EXOC6B: variants seen among roughly 807,000 people sequenced by gnomAD.
EXOC6B encodes exocyst complex component 6B, also known as SEC15 homolog B.
EXOC6B carries 54 observed loss-of-function variants against 113.5 expected under a neutral mutation model. The ratio of observed to expected loss-of-function variants is 0.48; its 90% confidence interval spans 0.38 to 0.60. The LOEUF is 0.60. Ranked by LOEUF, EXOC6B falls within the 20% of genes least tolerant of loss-of-function variation. The probability of loss-of-function intolerance (pLI) is 0.00; values close to 1 mark genes in which losing one functional copy is unlikely to be tolerated. For synonymous variants in EXOC6B, 357 were observed against 339.0 expected (o/e 1.05, Z -0.58); for missense variants, 797 against 977.5 (o/e 0.82, Z 2.46).
intron 6 of EXOC6B, 109 bp downstream of exon 6, chr2:72,717,994 G>T: frequency 2.6e-6 from 2 of 769,126 alleles, no homozygotes; most frequent in South Asian, 2.5e-5. Context: ...TCCCTAAAAT[G>T]ATAAGAAACT....
At chr2:72,548,777 A>G (rs1703043859) in intron 8 of EXOC6B, among the ~76,000 whole-genome samples, 1 of 152,190 alleles carries the variant, frequency 6.6e-6, no homozygotes, top group Admixed American at 6.5e-5. Context: ...ATTGAGGAAA[A>G]ACAACATATT....
At chr2:72,335,548 GCACACACACACACACACACACACA>G (rs70963124) in intron 19 of EXOC6B, among the ~76,000 whole-genome samples, 11 of 135,000 alleles carry the variant, frequency 8.1e-5, no homozygotes, top group Admixed American at 5.9e-4. Flanking sequence ...CTGCATTATT[GCACACACACACACACACACACACA>G]CACACACACA....
chr2:72,647,939 T>C (rs957949329), intron 6 of EXOC6B, among the ~76,000 whole-genome samples: 1 of 152,088 alleles, frequency 6.6e-6, no homozygotes, highest in African/African-American at 2.4e-5. Flanking sequence ...TGGGATCTAA[T>C]TAAACTAAAG....
intron 20 of EXOC6B, among the ~76,000 whole-genome samples, chr2:72,330,085 C>A (rs1688342904): frequency 6.6e-6 from 1 of 151,982 alleles, no homozygotes; most frequent in Non-Finnish European, 1.5e-5. Flanking sequence ...GTTCATTCAG[C>A]TTTATAAAAA....
intron 20 of EXOC6B, among the ~76,000 whole-genome samples, chr2:72,276,411 T>TGGAGAAAACC (rs1461851089): frequency 2.0e-5 from 3 of 152,168 alleles, no homozygotes; most frequent in Non-Finnish European, 4.4e-5. Flanking sequence ...AGACAAGGGC[T>TGGAGAAAACC]CTTTCTCTTA....
chr2:72,470,584 A>T (rs545547192), intron 17 of EXOC6B, among the ~76,000 whole-genome samples: 161 of 152,026 alleles, frequency 1.1e-3, no homozygotes, highest in African/African-American at 3.6e-3. Context: ...GTCATTTAGC[A>T]TTAGGTATAT....
At chr2:72,818,311 A>ATTTTTTTTTTT (rs1183950982) in intron 1 of EXOC6B, among the ~76,000 whole-genome samples, 41 of 117,794 alleles carry the variant, frequency 3.5e-4, no homozygotes, top group South Asian at 5.5e-4. Context: ...GGCCCAGCTA[A>ATTTTTTTTTTT]TTTTTTTTTT....
intron 6 of EXOC6B, among the ~76,000 whole-genome samples, chr2:72,605,321 T>A (rs983249628): frequency 1.3e-5 from 2 of 150,476 alleles, no homozygotes; most frequent in Non-Finnish European, 3.0e-5. Context: ...AAAAAGAATC[T>A]CCAACTTACA....
At chr2:72,366,273 A>G (rs1690622440) in intron 19 of EXOC6B, among the ~76,000 whole-genome samples, 1 of 149,848 alleles carries the variant, frequency 6.7e-6, no homozygotes, top group African/African-American at 2.5e-5. Context: ...TGGAGTTCAT[A>G]TAAAAGTAAA....
chr2:72,824,486 C>T (rs2105192010), intron 1 of EXOC6B, among the ~76,000 whole-genome samples: 1 of 152,164 alleles, frequency 6.6e-6, no homozygotes, highest in East Asian at 1.9e-4. Context: ...TAGTTATGAC[C>T]AGGGGTGGTA....
intron 20 of EXOC6B, among the ~76,000 whole-genome samples, chr2:72,213,923 T>C (rs984293380): frequency 6.6e-6 from 1 of 152,096 alleles, no homozygotes; most frequent in Non-Finnish European, 1.5e-5. Context: ...GCTACCCAGT[T>C]TATGATATTT....
At chr2:72,556,750 T>TAA (rs5832086) in intron 8 of EXOC6B, among the ~76,000 whole-genome samples, 29 of 150,792 alleles carry the variant, frequency 1.9e-4, no homozygotes, top group East Asian at 1.6e-3. Flanking sequence ...AGAGGTATTT[T>TAA]AAAAAAAAAC....
At chr2:72,762,073 A>G (rs773662879) in intron 1 of EXOC6B, among the ~76,000 whole-genome samples, 1 of 151,964 alleles carries the variant, frequency 6.6e-6, no homozygotes, top group Non-Finnish European at 1.5e-5. Context: ...GTAAAACCCC[A>G]TCTCTACAAA....
At chr2:72,461,544 C>T (rs1427537514) in intron 18 of EXOC6B, 1 of 151,738 alleles carries the variant, frequency 6.6e-6, no homozygotes, top group East Asian at 1.9e-4. Context: ...ATGAATATCA[C>T]ATTATATGAA....
chr2:72,572,192 T>C (rs1041330232), intron 7 of EXOC6B, among the ~76,000 whole-genome samples: 2 of 152,172 alleles, frequency 1.3e-5, no homozygotes, highest in Admixed American at 6.5e-5. Context: ...TTTATGTATA[T>C]ACTAAAAAAG....
intron 8 of EXOC6B, among the ~76,000 whole-genome samples, chr2:72,530,750 T>C (rs1361074027): frequency 2.0e-5 from 3 of 152,172 alleles, no homozygotes; most frequent in African/African-American, 7.2e-5. Flanking sequence ...TTTTGCAGTT[T>C]TGTTGTTTGG....
intron 20 of EXOC6B, among the ~76,000 whole-genome samples, chr2:72,219,520 T>G (rs1030630523): frequency 6.6e-6 from 1 of 152,158 alleles, no homozygotes; most frequent in African/African-American, 2.4e-5. Context: ...ACCTCTTTCA[T>G]TTTTTCTCCT....
chr2:72,779,079 A>T (rs765232345), intron 1 of EXOC6B, among the ~76,000 whole-genome samples: 2 of 152,088 alleles, frequency 1.3e-5, no homozygotes, highest in Non-Finnish European at 2.9e-5. Context: ...GGACTGTTCT[A>T]AACATTTTTC....
chr2:72,581,606 C>G (rs1411834316), intron 6 of EXOC6B, among the ~76,000 whole-genome samples: 1 of 152,182 alleles, frequency 6.6e-6, no homozygotes, highest in Middle Eastern at 3.4e-3. Context: ...CATAGTTACC[C>G]GAGGCCCAAG....
Sources: gnomAD v4.1 joint callset for allele counts (sites outside exome capture counted in the v4.1 genomes callset) on GRCh38, gnomAD v4.1.1 for gene constraint, MANE v1.5 for transcripts, NCBI Gene and HGNC (gene_info 2026-07-23, HGNC 2026-07-21) for gene names.